OR7E24: variants seen among roughly 807,000 people sequenced by gnomAD.
OR7E24 encodes the protein olfactory receptor 7E24.
For synonymous variants in OR7E24, 130 were observed against 157.5 expected, an observed-to-expected ratio of 0.83 and a Z score of 1.31; for missense variants, 385 against 410.3, an observed-to-expected ratio of 0.94 and a Z score of 0.53.
the OR7E24 span, among the ~76,000 whole-genome samples, chr19:9,218,286 T>C: frequency 1.3e-5 from 2 of 152,342 alleles, no homozygotes; most frequent in Non-Finnish European, 2.9e-5. Flanking sequence ...TTCATATCTC[T>C]TTTAAAATAA....
At chr19:9,225,501 AAAAC>A in the OR7E24 span, among the ~76,000 whole-genome samples, 1 of 151,852 alleles carries the variant, frequency 6.6e-6, no homozygotes, top group East Asian at 1.9e-4. Flanking sequence ...AAGGAATAAA[AAAAC>A]AACAAAAAGG....
chr19:9,214,838 G>T, the OR7E24 span: 4 of 1,583,542 alleles, frequency 2.5e-6, no homozygotes. Flanking sequence ...CTGCTTCCAT[G>T]TAGCTGTTGT....
At chr19:9,214,142 C>T in the OR7E24 span, 1 of 1,614,090 alleles carries the variant, frequency 6.2e-7, no homozygotes, top group Non-Finnish European at 8.5e-7. Context: ...TGTACTTGCC[C>T]TTGGTGGAGG....
upstream of OR7E24, among the ~76,000 whole-genome samples, chr19:9,243,760 A>G (rs532321097): frequency 5.9e-5 from 9 of 152,296 alleles, no homozygotes; most frequent in South Asian, 1.7e-3. Flanking sequence ...GCAAGTTGTA[A>G]AAGTTTATGG....
At chr19:9,214,539 T>A in the OR7E24 span, 3 of 1,614,064 alleles carry the variant, frequency 1.9e-6, no homozygotes. Context: ...AAAATACACC[T>A]GAGTGAGGCA....
At chr19:9,245,129 C>T (rs867110771), upstream of OR7E24, among the ~76,000 whole-genome samples, 14 of 152,068 alleles carry the variant, frequency 9.2e-5, no homozygotes, top group African/African-American at 3.4e-4. Context: ...TCACGAGAAT[C>T]GCTTGAACCC....
chr19:9,221,441 C>T, the OR7E24 span, among the ~76,000 whole-genome samples: 1 of 140,194 alleles, frequency 7.1e-6, no homozygotes, highest in Non-Finnish European at 1.5e-5. Flanking sequence ...AGCTCCGCCT[C>T]CCGGGTTTAC....
At chr19:9,238,034 T>C in the OR7E24 span, among the ~76,000 whole-genome samples, 71 of 152,240 alleles carry the variant, frequency 4.7e-4, no homozygotes, top group African/African-American at 1.5e-3. Flanking sequence ...CCCAGCACTT[T>C]GGGAGGCTGA....
the OR7E24 span, among the ~76,000 whole-genome samples, chr19:9,241,190 C>T: frequency 6.6e-6 from 1 of 152,078 alleles, no homozygotes; most frequent in Non-Finnish European, 1.5e-5. Context: ...TCCTTTGCAT[C>T]GAGTTTGTTC....
At chr19:9,220,756 T>C in the OR7E24 span, among the ~76,000 whole-genome samples, 1 of 152,202 alleles carries the variant, frequency 6.6e-6, no homozygotes, top group East Asian at 1.9e-4. Context: ...CATATGGTAG[T>C]TCTATTTTTA....
the OR7E24 span, chr19:9,235,989 C>T: frequency 3.1e-6 from 5 of 1,612,124 alleles, no homozygotes; most frequent in Middle Eastern, 1.7e-4. Flanking sequence ...CCATGGTCAC[C>T]CCCATGCTGA....
the OR7E24 span, among the ~76,000 whole-genome samples, chr19:9,216,198 C>T: frequency 1.3e-5 from 2 of 152,212 alleles, no homozygotes; most frequent in East Asian, 1.9e-4. Context: ...CCACCCCCTG[C>T]ACCCCACAGT....
the OR7E24 span, chr19:9,212,915 G>A: frequency 7.2e-5 from 11 of 152,076 alleles, no homozygotes; most frequent in East Asian, 3.9e-4. Flanking sequence ...ACTGTGCCCC[G>A]AAAATTTTAT....
At chr19:9,214,991 G>C in the OR7E24 span, 1 of 593,640 alleles carries the variant, frequency 1.7e-6, no homozygotes, top group South Asian at 2.1e-5. Flanking sequence ...CTCTCAGGAA[G>C]TGGTATCTAT....
chr19:9,226,043 A>C, the OR7E24 span, among the ~76,000 whole-genome samples: 1 of 152,170 alleles, frequency 6.6e-6, no homozygotes, highest in Non-Finnish European at 1.5e-5. Context: ...CTGTGTCCAC[A>C]ATGACATTGA....
chr19:9,232,489 G>T, the OR7E24 span, among the ~76,000 whole-genome samples: 1 of 137,548 alleles, frequency 7.3e-6, no homozygotes, highest in African/African-American at 2.8e-5. Context: ...AGTGAGCCAA[G>T]ATCGCGCCAC....
chr19:9,246,601 C>A (rs2066131404), upstream of OR7E24, among the ~76,000 whole-genome samples: 1 of 151,820 alleles, frequency 6.6e-6, no homozygotes, highest in Non-Finnish European at 1.5e-5. Flanking sequence ...GGAAGCGACA[C>A]AAGCGTCCAC....
the OR7E24 span, among the ~76,000 whole-genome samples, chr19:9,237,590 C>CA: frequency 6.6e-6 from 1 of 152,152 alleles, no homozygotes; most frequent in Non-Finnish European, 1.5e-5. Context: ...GCTGGGATTA[C>CA]AGGCATGAGC....
the OR7E24 span, chr19:9,208,697 T>TA: frequency 6.7e-6 from 1 of 149,030 alleles, no homozygotes; most frequent in Non-Finnish European, 1.5e-5. Context: ...TGCCTTTTTT[T>TA]TTTTTTTTTT....
Sources: gnomAD v4.1 joint callset for allele counts (sites outside exome capture counted in the v4.1 genomes callset) on GRCh38, gnomAD v4.1.1 for gene constraint, MANE v1.5 for transcripts, NCBI Gene and HGNC (gene_info 2026-07-23, HGNC 2026-07-21) for gene names.